PTPN14: variants seen among roughly 807,000 people sequenced by gnomAD.
PTPN14 encodes protein tyrosine phosphatase non-receptor type 14.
PTPN14 carries 53 observed loss-of-function variants against 126.8 expected under a neutral mutation model. The observed-to-expected ratio is 0.42, with a 90% CI of 0.34 to 0.53. PTPN14 has a LOEUF of 0.53. PTPN14 is among the 20% of genes least tolerant of loss of function. The probability of loss-of-function intolerance (pLI) is 0.08; values close to 1 mark genes in which losing one functional copy is unlikely to be tolerated. For missense variants in PTPN14, 1,257 were observed against 1,552.9 expected, an observed-to-expected ratio of 0.81 and a Z score of 3.20; for synonymous variants, 630 against 599.3, an observed-to-expected ratio of 1.05 and a Z score of -0.75.
chr1:214,424,365 AAC>A (rs1347270798), intron 3 of PTPN14, among the ~76,000 whole-genome samples: 1 of 152,154 alleles, frequency 6.6e-6, no homozygotes, highest in African/African-American at 2.4e-5. Context: ...AGACATAACA[AAC>A]AAACACAAAA....
intron 8 of PTPN14, 25 bp from the exon 9 acceptor site, chr1:214,395,011 T>C: frequency 6.3e-7 from 1 of 1,575,260 alleles, no homozygotes; most frequent in Non-Finnish European, 8.7e-7. Flanking sequence ...TGTCACTGTG[T>C]TTACTCAACA....
intron 1 of PTPN14, among the ~76,000 whole-genome samples, chr1:214,515,794 G>GA (rs143180203): frequency 0.034 from 4,984 of 147,164 alleles, 266 homozygotes; most frequent in East Asian, 0.26. Context: ...GTGAAGAAAA[G>GA]AAAAAAAAAA....
chr1:214,526,178 C>T (rs1345999893), intron 1 of PTPN14, among the ~76,000 whole-genome samples: 2 of 151,864 alleles, frequency 1.3e-5, no homozygotes, highest in Non-Finnish European at 2.9e-5. Context: ...GTTGGCCAGG[C>T]TGGTCTCGAA....
chr1:214,391,372 T>C (rs1476385919), intron 10 of PTPN14, among the ~76,000 whole-genome samples: 3 of 152,130 alleles, frequency 2.0e-5, no homozygotes, highest in African/African-American at 7.2e-5. Context: ...TAAAAAATTG[T>C]ACTCTTTCTA....
chr1:214,460,600 C>T (rs373732319), intron 2 of PTPN14, among the ~76,000 whole-genome samples: 1 of 145,980 alleles, frequency 6.9e-6, no homozygotes, highest in Admixed American at 6.8e-5. Flanking sequence ...AATTCTAACA[C>T]ACACACACAC....
intron 17 of PTPN14, among the ~76,000 whole-genome samples, chr1:214,369,246 A>G (rs1190740956): frequency 6.6e-6 from 1 of 152,244 alleles, no homozygotes; most frequent in Non-Finnish European, 1.5e-5. Context: ...TCACAGTCTT[A>G]GCTTACGTGC....
Position 214,383,790 on chromosome 1 carries a change from G to A in PTPN14, c.2065C>T (p.Leu689Phe), listed in dbSNP as rs1300824699. Residue 689 changes from leucine to phenylalanine, a missense_variant, in exon 13 of 19, where the codon CTC becomes TTC. By Grantham distance (22) the Leu-to-Phe change is conservative. Coordinates refer to ENST00000366956, the MANE Select transcript of PTPN14 (RefSeq NM_005401.5). The surrounding 1 kb of genome is among the most constrained non-coding windows in gnomAD (Gnocchi z 4.4). ...EGSGSHEVPQ[L>F]PQYHHKKTFS... is the part of the protein sequence containing the mutation. ...GTCTTCTTGTGGTGATACTGAGGGA[G>A]CTGGGGGACCTCGTGGCTGCCTGAC... The A allele has an allele frequency of 3.7e-6, 6 of 1,612,856 alleles. No individual in the cohort carries two copies. The highest frequency in any genetic ancestry group is 5.1e-6 in the Non-Finnish European group (6 of 1,180,024).
At chr1:214,479,477 T>C (rs892242503) in intron 1 of PTPN14, among the ~76,000 whole-genome samples, 2 of 151,838 alleles carry the variant, frequency 1.3e-5, no homozygotes, top group Non-Finnish European at 2.9e-5. Context: ...GTAGCTGGGA[T>C]TACAGGCGCC....
At chr1:214,506,869 G>A (rs1040756808) in intron 1 of PTPN14, among the ~76,000 whole-genome samples, 13 of 149,252 alleles carry the variant, frequency 8.7e-5, no homozygotes, top group Admixed American at 2.7e-4. Context: ...TCGGTGGCAT[G>A]TGCAGCATAA....
At chr1:214,397,788 T>A in intron 8 of PTPN14, 125 bp downstream of exon 8, 1 of 737,720 alleles carries the variant, frequency 1.4e-6, no homozygotes, top group East Asian at 2.8e-5. Context: ...TCACCTTATA[T>A]GAGCTGAGAG....
rs1481688565 is a variant in PTPN14, at chr1:214,355,312, T to G, written c.*2610A>C. 6.6e-6 allele frequency: 1 copy of G among 152,308 alleles called. No homozygotes were observed. The highest frequency in any genetic ancestry group is 2.1e-4 in the South Asian group (1 of 4,824). The allele number at this position is 152,308 out of a possible 1,614,324, so 9.4% of individuals were successfully genotyped here. A position where few individuals can be genotyped will look rare whatever the true frequency, so the allele number is the denominator to read the frequency against. On this transcript the variant is annotated 3_prime_UTR_variant, in exon 19 of 19. Transcript: ENST00000366956. ...TATATGCTGTCCACATGAGACATATTCTAACAGTGCCCACCTTGGGGCTTA... is the reference window on the plus strand; with the variant it reads ...TATATGCTGTCCACATGAGACATATGCTAACAGTGCCCACCTTGGGGCTTA...
At chr1:214,515,321 C>T (rs1308947537) in intron 1 of PTPN14, among the ~76,000 whole-genome samples, 1 of 151,150 alleles carries the variant, frequency 6.6e-6, no homozygotes, top group African/African-American at 2.4e-5. Context: ...TTTTTTTTAA[C>T]GATAATATGT....
At chr1:214,523,286 C>T (rs1448397092) in intron 1 of PTPN14, among the ~76,000 whole-genome samples, 2 of 152,188 alleles carry the variant, frequency 1.3e-5, no homozygotes, top group Non-Finnish European at 2.9e-5. Flanking sequence ...GAAGTCCTTC[C>T]TAACCAAGAA....
At chr1:214,456,163 C>T (rs1231436050) in intron 2 of PTPN14, among the ~76,000 whole-genome samples, 2 of 152,040 alleles carry the variant, frequency 1.3e-5, no homozygotes, top group Non-Finnish European at 2.9e-5. Flanking sequence ...TGGCAATTAC[C>T]AAGGATTAAA....
At chr1:214,429,454 T>C (rs546439115) in intron 3 of PTPN14, among the ~76,000 whole-genome samples, 2 of 152,358 alleles carry the variant, frequency 1.3e-5, no homozygotes, top group South Asian at 4.1e-4. Context: ...CATGCTTTTA[T>C]AATTCTTAAT....
chr1:214,490,756 GA>G (rs1410599433), intron 1 of PTPN14, among the ~76,000 whole-genome samples: 1 of 149,008 alleles, frequency 6.7e-6, no homozygotes, highest in East Asian at 2.0e-4. Context: ...AGAATCACTT[GA>G]ACCCGGGAGG....
intron 1 of PTPN14, among the ~76,000 whole-genome samples, chr1:214,482,579 G>GGAA (rs111632483): frequency 2.1e-4 from 32 of 149,798 alleles, no homozygotes; most frequent in African/African-American, 6.6e-4. Context: ...GTTTAGAAAA[G>GGAA]AAAAAAAAAA....
At chr1:214,380,037 C>G (rs1261638264) in intron 13 of PTPN14, among the ~76,000 whole-genome samples, 1 of 152,180 alleles carries the variant, frequency 6.6e-6, no homozygotes, top group African/African-American at 2.4e-5. Context: ...TACAAATGAC[C>G]CTGGTCTCTC....
intron 16 of PTPN14, among the ~76,000 whole-genome samples, chr1:214,372,024 G>T (rs1311056942): frequency 6.6e-6 from 1 of 152,162 alleles, no homozygotes; most frequent in Non-Finnish European, 1.5e-5. Flanking sequence ...ATAAAAGAAG[G>T]TGGTTAAAGA....
Sources: gnomAD v4.1 joint callset for allele counts (sites outside exome capture counted in the v4.1 genomes callset) on GRCh38, gnomAD v4.1.1 for gene constraint, Gnocchi (gnomAD v3.1) non-coding constraint, MANE v1.5 for transcripts, NCBI Gene and HGNC (gene_info 2026-07-23, HGNC 2026-07-21) for gene names.